GMPS: variants seen among roughly 807,000 people sequenced by gnomAD.
GMPS encodes GMP synthase [glutamine-hydrolyzing].
A neutral mutation model predicts 77.9 loss-of-function variants in GMPS; 15 were observed. That is an observed-to-expected ratio of 0.19 (90% CI 0.13 to 0.30). The LOEUF is 0.30. Ranked by LOEUF, GMPS falls within the 10% of genes least tolerant of loss-of-function variation. The pLI, the probability that GMPS is intolerant of heterozygous loss-of-function variation, is 1.00. For synonymous variants in GMPS, 224 were observed against 275.9 expected, an observed-to-expected ratio of 0.81 and a Z score of 1.86; for missense variants, 590 against 838.8, an observed-to-expected ratio of 0.70 and a Z score of 3.66.
At position 155,915,964 on chromosome 3, in the gene GMPS, T is replaced by G. The variant is rs1755167083; in HGVS notation, c.1039-55T>G. 5 of 1,206,206 alleles carry G rather than the reference T, an allele frequency of 4.1e-6. No individual in the cohort carries two copies. In the South Asian group the frequency reaches 7.0e-5, roughly 17 times the overall value. The allele number at this position is 1,206,206 out of a possible 1,614,324, so 74.7% of individuals were successfully genotyped here. A position where few individuals can be genotyped will look rare whatever the true frequency, so the allele number is the denominator to read the frequency against. ...GAGATTTAGCTGAAAGTATAAACTT[T>G]TGCTTTTAAAAAAAGTTATCTCTTA... On this transcript the variant is annotated intron_variant, in intron 8 of 15. Coordinates refer to ENST00000496455, the MANE Select transcript of GMPS (RefSeq NM_003875.3).
rs1755795391 is a variant in GMPS, at chr3:155,937,716, A to T, written c.*24A>T. 1.0e-6 allele frequency: 1 copy of T among 959,336 alleles called. No individual in the cohort carries two copies. The highest frequency in any genetic ancestry group is 1.7e-6 in the Non-Finnish European group (1 of 587,552). The allele number at this position is 959,336 out of a possible 1,614,324, so 59.4% of individuals were successfully genotyped here. ...AATAAACTTCTTGTTCTATTAAAGT[A>T]CCGTGTGCAGTTTAAATTGATTAGA... On this transcript the variant is annotated 3_prime_UTR_variant, in exon 16 of 16. Transcript: ENST00000496455.
chr3:155,877,662 T>G (rs1754084184), intron 1 of GMPS, among the ~76,000 whole-genome samples: 1 of 152,158 alleles, frequency 6.6e-6, no homozygotes, highest in Non-Finnish European at 1.5e-5. Flanking sequence ...ACTGAGTGGC[T>G]TATGAACAAC....
At chr3:155,934,310 G>A (rs1251676584) in intron 13 of GMPS, among the ~76,000 whole-genome samples, 1 of 152,184 alleles carries the variant, frequency 6.6e-6, no homozygotes, top group African/African-American at 2.4e-5. Context: ...CAGTTTAGGA[G>A]GCCAGAAGTC....
intron 1 of GMPS, among the ~76,000 whole-genome samples, chr3:155,883,456 G>A (rs1754256431): frequency 6.6e-6 from 1 of 152,136 alleles, no homozygotes; most frequent in South Asian, 2.1e-4. Context: ...AAAATTGAGA[G>A]TGTTCACAAA....
intron 5 of GMPS, among the ~76,000 whole-genome samples, chr3:155,909,349 T>C (rs1351460083): frequency 6.6e-6 from 1 of 152,228 alleles, no homozygotes; most frequent in East Asian, 1.9e-4. Context: ...GTCTAATATA[T>C]GAGATTCTTT....
chr3:155,923,232 G>A (rs1399605044), intron 11 of GMPS, among the ~76,000 whole-genome samples: 1 of 150,152 alleles, frequency 6.7e-6, no homozygotes, highest in African/African-American at 2.4e-5. Flanking sequence ...CTGAAAAACA[G>A]CTGAAAGAGA....
intron 5 of GMPS, among the ~76,000 whole-genome samples, chr3:155,907,444 C>T (rs1271253234): frequency 2.6e-5 from 4 of 152,026 alleles, no homozygotes; most frequent in Admixed American, 6.6e-5. Flanking sequence ...AAAAAATTAG[C>T]CAGGTGTGGT....
At chr3:155,922,989 C>T (rs533444717) in intron 11 of GMPS, among the ~76,000 whole-genome samples, 2 of 152,118 alleles carry the variant, frequency 1.3e-5, no homozygotes, top group South Asian at 4.1e-4. Context: ...GATAGATTTC[C>T]AACAAATATG....
intron 3 of GMPS, among the ~76,000 whole-genome samples, chr3:155,898,438 A>T (rs1754653779): frequency 1.3e-5 from 2 of 152,336 alleles, no homozygotes; most frequent in South Asian, 4.1e-4. Flanking sequence ...GGACACTCTT[A>T]CTGCATAACC....
rs181606244 is a variant in GMPS at position 155,931,966 on chromosome 3, G to T, written c.1676+86G>T. The T allele has an allele frequency of 2.4e-4, 161 of 674,038 alleles. No individual in the cohort carries two copies. The African/African-American group carries it at 2.6e-3, about 11-fold the overall frequency. 41.8% of individuals were successfully genotyped at this position (674,038 alleles called of 1,614,324 possible). A position where few individuals can be genotyped will look rare whatever the true frequency, so the allele number is the denominator to read the frequency against. ...CTTTCAATTAATGGAAGACCAAAAGGCTCAAATGTAGATATAGGTAGGTCA... is the reference window on the plus strand; with the variant it reads ...CTTTCAATTAATGGAAGACCAAAAGTCTCAAATGTAGATATAGGTAGGTCA... On this transcript the variant is annotated intron_variant, in intron 13 of 15. Transcript: ENST00000496455.
chr3:155,927,166 T>C (rs993132221), intron 12 of GMPS, among the ~76,000 whole-genome samples: 3 of 152,216 alleles, frequency 2.0e-5, no homozygotes, highest in African/African-American at 7.2e-5. Context: ...AAAATCACTA[T>C]TGAAATAACC....
chr3:155,907,945 T>C (rs994855428), intron 5 of GMPS, among the ~76,000 whole-genome samples: 2 of 149,870 alleles, frequency 1.3e-5, no homozygotes, highest in African/African-American at 4.9e-5. Context: ...GTGGGGAGAG[T>C]GAAAGAAGGT....
upstream of GMPS, among the ~76,000 whole-genome samples, chr3:155,869,910 CTCA>C (rs35386649): frequency 1 from 152,158 of 152,158 alleles, 76,079 homozygotes; most frequent in Non-Finnish European, 1. Flanking sequence ...AAAGTAACAC[CTCA>C]TCATCATGAT....
At chr3:155,925,197 C>T (rs76515101) in intron 11 of GMPS, 44 bp from the exon 12 acceptor site, 79,898 of 1,562,296 alleles carry the variant, frequency 0.051, 3,056 homozygotes, top group East Asian at 0.17. Context: ...GAGTGAATAC[C>T]TTATTTCTTA....
chr3:155,897,904 A>G, intron 2 of GMPS, 23 bp from the exon 3 acceptor site: 1 of 1,131,264 alleles, frequency 8.8e-7, no homozygotes, highest in South Asian at 1.2e-5. Context: ...GAGATTCTTC[A>G]CTGATTGTTC....
At chr3:155,932,872 T>C (rs1021676786) in intron 13 of GMPS, among the ~76,000 whole-genome samples, 1 of 152,182 alleles carries the variant, frequency 6.6e-6, no homozygotes, top group African/African-American at 2.4e-5. Flanking sequence ...ATCTTTAAAA[T>C]GCTGAAAAAT....
chr3:155,873,652 T>TTTTTTTTTTTTTTG (rs1560032835), intron 1 of GMPS, among the ~76,000 whole-genome samples: 1 of 143,572 alleles, frequency 7.0e-6, no homozygotes, highest in Admixed American at 7.2e-5. Flanking sequence ...TTTTTTTTTT[T>TTTTTTTTTTTTTTG]GAGATGGAGT....
At chr3:155,888,508 T>C (rs533222209) in intron 1 of GMPS, among the ~76,000 whole-genome samples, 2 of 151,904 alleles carry the variant, frequency 1.3e-5, no homozygotes, top group Non-Finnish European at 2.9e-5. Flanking sequence ...TGACTCACTG[T>C]GGCCTCAACC....
chr3:155,902,577 A>T (rs1487897271), intron 3 of GMPS, among the ~76,000 whole-genome samples: 3 of 152,246 alleles, frequency 2.0e-5, no homozygotes, highest in Admixed American at 2.0e-4. Context: ...CAGTGGCAAG[A>T]GCTAAATAGT....
Sources: gnomAD v4.1 joint callset for allele counts (sites outside exome capture counted in the v4.1 genomes callset) on GRCh38, gnomAD v4.1.1 for gene constraint, MANE v1.5 for transcripts, NCBI Gene and HGNC (gene_info 2026-07-23, HGNC 2026-07-21) for gene names.